The following LCORL variants were observed in gnomAD, a reference collection of about 807,000 sequenced individuals.
LCORL encodes ligand-dependent nuclear receptor corepressor-like protein.
Under a neutral mutation model 141.8 loss-of-function variants are expected in LCORL, and 41 were observed. The ratio of observed to expected loss-of-function variants is 0.29; its 90% CI spans 0.23 to 0.38. LCORL has a LOEUF of 0.38. LCORL is among the 10% of genes least tolerant of loss of function. The pLI is 1.00. For missense variants in LCORL, 1,759 were observed against 2,035.0 expected, an observed-to-expected ratio of 0.86 and a Z score of 2.61; for synonymous variants, 618 against 694.1, an observed-to-expected ratio of 0.89 and a Z score of 1.72.
At chr4:17,903,064 A>G (rs986575428) in intron 5 of LCORL, among the ~76,000 whole-genome samples, 2 of 152,100 alleles carry the variant, frequency 1.3e-5, no homozygotes, top group African/African-American at 4.8e-5. Context: ...TTCACTGCAG[A>G]AACGCCCTAA....
intron 7 of LCORL, among the ~76,000 whole-genome samples, chr4:17,858,879 T>C (rs1724668715): frequency 6.6e-6 from 1 of 152,144 alleles, no homozygotes; most frequent in Non-Finnish European, 1.5e-5. Context: ...AAACTGTTGA[T>C]AACCAGTGAT....
At chr4:17,925,254 C>T (rs1577438386) in intron 4 of LCORL, among the ~76,000 whole-genome samples, 1 of 152,174 alleles carries the variant, frequency 6.6e-6, no homozygotes, top group Non-Finnish European at 1.5e-5. Flanking sequence ...TAGTCTACTG[C>T]TCCACAGTGG....
At chr4:17,962,939 TTAAAGA>T (rs752389570) in intron 3 of LCORL, 25 bp downstream of exon 3, 44 of 1,285,184 alleles carry the variant, frequency 3.4e-5, no homozygotes, top group Non-Finnish European at 4.7e-5. Flanking sequence ...GTGCATTAGT[TTAAAGA>T]TAATTTCATA....
At chr4:17,968,923 T>C (rs914291839) in intron 2 of LCORL, among the ~76,000 whole-genome samples, 2 of 152,250 alleles carry the variant, frequency 1.3e-5, no homozygotes, top group African/African-American at 4.8e-5. Context: ...ATGCCTTTGA[T>C]ATGTTGCCAC....
chr4:17,911,640 G>A, intron 4 of LCORL: 2 of 448,332 alleles, frequency 4.5e-6, no homozygotes, highest in East Asian at 6.1e-5. Context: ...GGCAAAGTCT[G>A]AGTCCTGTCC....
intron 4 of LCORL, among the ~76,000 whole-genome samples, chr4:17,947,302 C>G (rs1255303347): frequency 6.6e-6 from 1 of 151,854 alleles, no homozygotes; most frequent in Non-Finnish European, 1.5e-5. Flanking sequence ...ATAAATATTG[C>G]ATGTCTTCAC....
intron 5 of LCORL, among the ~76,000 whole-genome samples, chr4:17,907,933 G>A (rs1283308421): frequency 6.6e-6 from 1 of 152,050 alleles, no homozygotes; most frequent in South Asian, 2.1e-4. Flanking sequence ...CTAGTATTAG[G>A]GAACAAAAAA....
intron 7 of LCORL, chr4:17,867,066 T>C: frequency 4.2e-6 from 3 of 707,044 alleles, no homozygotes; most frequent in Non-Finnish European, 5.2e-6. Flanking sequence ...AGAATACAAC[T>C]GGTGTTCATG....
intron 2 of LCORL, 94 bp downstream of exon 2, chr4:17,972,726 T>TTAA: frequency 4.6e-6 from 2 of 433,002 alleles, no homozygotes; most frequent in Non-Finnish European, 7.8e-6. Context: ...GATCATAAAT[T>TTAA]CATGTTTAAT....
chr4:17,886,969 A>G (rs1231841168), intron 5 of LCORL, among the ~76,000 whole-genome samples: 1 of 152,076 alleles, frequency 6.6e-6, no homozygotes, highest in Non-Finnish European at 1.5e-5. Context: ...TAGCTAAAAA[A>G]CTGAAAGTTT....
At chr4:17,992,768 TTAAG>T (rs1720249028) in intron 1 of LCORL, among the ~76,000 whole-genome samples, 1 of 152,196 alleles carries the variant, frequency 6.6e-6, no homozygotes, top group Non-Finnish European at 1.5e-5. Context: ...ATAAATCCAT[TTAAG>T]TGTCACTCAT....
intron 7 of LCORL, among the ~76,000 whole-genome samples, chr4:17,855,613 G>A (rs1724268987): frequency 1.3e-5 from 2 of 152,074 alleles, no homozygotes; most frequent in Admixed American, 6.6e-5. Flanking sequence ...CCTTACCCAC[G>A]TGATTTGCTC....
chr4:17,888,977 C>T (rs930417579), intron 5 of LCORL, among the ~76,000 whole-genome samples: 1 of 152,180 alleles, frequency 6.6e-6, no homozygotes, highest in Non-Finnish European at 1.5e-5. Flanking sequence ...TGAAATTTCC[C>T]CCATTCTAAG....
chr4:17,845,875 T>G (rs371976748), exon 8 of LCORL: 8 of 1,610,946 alleles, frequency 5.0e-6, no homozygotes, highest in Non-Finnish European at 6.8e-6. Context: ...CACATTCAGT[T>G]TCTCATCAGT....
intron 5 of LCORL, among the ~76,000 whole-genome samples, chr4:17,898,652 G>GTTTTTTTTTTTT (rs34770223): frequency 8.4e-5 from 10 of 119,272 alleles, no homozygotes; most frequent in African/African-American, 3.1e-4. Flanking sequence ...CATTCTCACC[G>GTTTTTTTTTTTT]TTTTTTTTTT....
At chr4:17,862,074 A>C (rs577183823) in intron 7 of LCORL, among the ~76,000 whole-genome samples, 3 of 152,310 alleles carry the variant, frequency 2.0e-5, no homozygotes, top group East Asian at 3.8e-4. Context: ...CCCAGTTCCA[A>C]GGTTGCTTCC....
chr4:17,980,829 G>A lies in LCORL; in HGVS notation c.155-7944C>T, dbSNP rs575602319. 4.8e-4 allele frequency among the ~76,000 whole-genome samples: 73 copies of A among 152,186 alleles called. 1 individual carries two copies. Among genetic ancestry groups the A allele is most frequent in the African/African-American group, 1.6e-3 (66 of 41,510 alleles). ...TGTTAGATCAGATTCTCACAGGAGC[G>A]TGAGCCCTATTATCAACTGTACTTG... On this transcript the variant is annotated intron_variant, in intron 1 of 7. Coordinates refer to ENST00000635767, the Ensembl canonical transcript of LCORL.
chr4:17,877,946 A>G, exon 7 of LCORL: 3 of 1,230,684 alleles, frequency 2.4e-6, no homozygotes, highest in Non-Finnish European at 3.0e-6. Context: ...CGTTTTGTAA[A>G]CAACCTCTTT....
exon 7 of LCORL, chr4:17,873,796 T>G (rs1386822366): frequency 1.1e-5 from 14 of 1,233,996 alleles, no homozygotes; most frequent in African/African-American, 1.6e-5. Flanking sequence ...TTGAGCTTCC[T>G]CAAAAATATT....
Sources: gnomAD v4.1 joint callset for allele counts (sites outside exome capture counted in the v4.1 genomes callset) on GRCh38, gnomAD v4.1.1 for gene constraint, MANE v1.5 for transcripts, NCBI Gene and HGNC (gene_info 2026-07-23, HGNC 2026-07-21) for gene names.